The following LY6K variants were observed in gnomAD, a reference collection of about 807,000 sequenced individuals.
The protein encoded by LY6K is lymphocyte antigen 6K.
LY6K carries 9 observed loss-of-function variants against 10.4 expected under a neutral mutation model. That is an observed-to-expected ratio of 0.87 (90% CI 0.52 to 1.52). The LOEUF (loss-of-function observed/expected upper bound fraction) is 1.52. LY6K is among the 40% of genes most tolerant of loss of function. The pLI is 0.00. For missense variants in LY6K, 217 were observed against 211.7 expected (o/e 1.02, Z -0.15); for synonymous variants, 98 against 83.7 (o/e 1.17, Z -0.94).
rs1815122777 is a variant in LY6K, at chr8:142,703,367, CTT to C, written c.495_496del (p.Ter166SerfsTer8). 1.2e-6 allele frequency: 2 copies of C among 1,608,760 alleles called. No homozygotes were observed. Among genetic ancestry groups the C allele is most frequent in the Admixed American group, 1.7e-5 (1 of 59,978 alleles). ...TCCATTGCAGCCGGCCTCAGCCTGT[CTT>C]GAGCCACGGGACTGCCACAGACTGA... On this transcript the variant is annotated frameshift_variant and stop_lost, in exon 3 of 3. Transcript: ENST00000292430. LOFTEE classifies it high-confidence loss of function.
intron 2 of LY6K, chr8:142,702,187 G>C: frequency 9.2e-6 from 4 of 432,872 alleles, no homozygotes; most frequent in Non-Finnish European, 1.7e-5. Context: ...GTGTAAGGCA[G>C]TGCCTGCTAC....
rs1814967576 is a variant in LY6K, at chr8:142,700,573, T to TGG, written c.47_48dup (p.Thr17GlyfsTer6). The TGG allele has an allele frequency of 1.3e-6, 2 of 1,585,644 alleles. No individual in the cohort carries two copies. Among genetic ancestry groups the TGG allele is most frequent in the African/African-American group, 1.4e-5 (1 of 72,070 alleles). On this transcript the variant is annotated frameshift_variant, in exon 1 of 3. Transcript: ENST00000292430. LOFTEE classifies it high-confidence loss of function. ...GCTGGTCGTGGCCCTACCGCGGGTG[T>TGG]GGACAGACGCCAACCTGACTGCGAG...
rs782398047 is a variant in LY6K at position 142,703,209 on chromosome 8, C to A, written c.336C>A (p.Tyr112Ter). ...TGGAAGAGCCCATGCCCTTCTTTTACCTCAAGTGTTGTAAAATTCGCTACT... is the reference window on the plus strand; with the variant it reads ...TGGAAGAGCCCATGCCCTTCTTTTAACTCAAGTGTTGTAAAATTCGCTACT... Reference protein sequence around the residue: ...FLLEEPMPFFYLKCCKIRYCN... With the variant: ...FLLEEPMPFF The change falls in exon 3 of 3, where the codon TAC becomes TAA. Residue 112 changes from tyrosine to a stop codon, truncating the protein, a stop_gained. Coordinates refer to ENST00000292430, the MANE Select transcript of LY6K (RefSeq NM_017527.4). LOFTEE classifies it low-confidence loss of function (END_TRUNC). The A allele has an allele frequency of 6.8e-6, 11 of 1,614,202 alleles. No homozygotes were observed. Among genetic ancestry groups the A allele is most frequent in the Non-Finnish European group, 9.3e-6 (11 of 1,180,030 alleles).
At chr8:142,702,763 G>T in intron 2 of LY6K, 1 of 1,484,458 alleles carries the variant, frequency 6.7e-7, no homozygotes, top group Non-Finnish European at 9.0e-7. Flanking sequence ...GAATGGCTGG[G>T]AGTCATGTGT....
rs1040722728 is a variant in LY6K, at chr8:142,702,659, G to C, written c.218-432G>C. On this transcript the variant is annotated intron_variant, in intron 2 of 2. Coordinates refer to ENST00000292430, the MANE Select transcript of LY6K (RefSeq NM_017527.4). The stretch of plus-strand genomic sequence containing the variant: ...ATGGCAAAATGATTTGTACAGTGAT[G>C]TATAAGATGAAGTGTGGTCATGAGA... 4.6e-6 allele frequency: 7 copies of C among 1,521,248 alleles called. No homozygotes were observed. In the African/African-American group the frequency reaches 8.2e-5, roughly 18 times the overall value. 94.2% of individuals were successfully genotyped at this position (1,521,248 alleles called of 1,614,324 possible).
In LY6K at chr8:142,703,676, G is replaced by C. The variant is rs1815131213; in HGVS notation, c.*305G>C. The C allele has an allele frequency of 2.7e-6, 1 of 377,182 alleles. No homozygotes were observed. The highest frequency in any genetic ancestry group is 4.3e-5 in the Admixed American group (1 of 23,490). 23.4% of individuals were successfully genotyped at this position (377,182 alleles called of 1,614,324 possible). The stretch of plus-strand genomic sequence containing the variant: ...TTTTCCTTGACTCCCCTCTGCCTCT[G>C]AGGGCTTCAGTATTGATGGGGAGGG... On this transcript the variant is annotated 3_prime_UTR_variant, in exon 3 of 3. Coordinates refer to ENST00000292430, the MANE Select transcript of LY6K (RefSeq NM_017527.4).
rs1814940597 is a variant in LY6K, at chr8:142,700,167, C to T, written c.-361C>T. On this transcript the variant is annotated 5_prime_UTR_variant, in exon 1 of 3. Transcript: ENST00000292430. ...CGGAGAAGATCCCCTACCTGGCCGCCGGCCACTTTCTGTGGGCCGTGGGGT... is the reference window on the plus strand; with the variant it reads ...CGGAGAAGATCCCCTACCTGGCCGCTGGCCACTTTCTGTGGGCCGTGGGGT... 2 of 277,402 alleles carry T rather than the reference C, an allele frequency of 7.2e-6. No individual in the cohort carries two copies. The highest frequency in any genetic ancestry group is 2.1e-4 in the South Asian group (2 of 9,720). The allele number at this position is 277,402 out of a possible 1,614,324, so 17.2% of individuals were successfully genotyped here.
At chr8:142,700,717 C>T in intron 1 of LY6K, 87 bp downstream of exon 1, 1 of 1,293,290 alleles carries the variant, frequency 7.7e-7, no homozygotes, top group Non-Finnish European at 1.0e-6. Context: ...ACCGCCCCGA[C>T]CAGGCCGTGA....
Position 142,703,497 on chromosome 8 carries a change from G to T in LY6K, c.*126G>T. Reference sequence around the variant, plus strand: ...TTTGACTTCCCAGGGTCTTGGGATGGGAGAGTGGGGATCAGGTGCAGTTGG... The same window carrying T: ...TTTGACTTCCCAGGGTCTTGGGATGTGAGAGTGGGGATCAGGTGCAGTTGG... On this transcript the variant is annotated 3_prime_UTR_variant, in exon 3 of 3. Coordinates refer to ENST00000292430, the MANE Select transcript of LY6K (RefSeq NM_017527.4). The T allele has an allele frequency of 8.7e-7, 1 of 1,153,002 alleles. No individual in the cohort carries two copies. The highest frequency in any genetic ancestry group is 1.2e-6 in the Non-Finnish European group (1 of 837,022). The allele number at this position is 1,153,002 out of a possible 1,614,324, so 71.4% of individuals were successfully genotyped here.
At chr8:142,701,271 C>T (rs1431866077) in intron 1 of LY6K, among the ~76,000 whole-genome samples, 2 of 152,196 alleles carry the variant, frequency 1.3e-5, no homozygotes, top group African/African-American at 2.4e-5. Context: ...TAAAGAAGTC[C>T]GGGGGCTGGG....
Position 142,703,098 on chromosome 8 carries a change from T to C in LY6K, c.225T>C (p.Phe75=). ...GTCTTTATTTCCTATTAGAAATATT[T>C]CCACGTTTTTTCATGGTTGCGAAGC... ...PYCVIAAVKI[F]PRFFMVAKQC... The change falls in exon 3 of 3, where the codon TTT becomes TTC. Residue 75 remains phenylalanine (F), a synonymous_variant. Transcript: ENST00000292430. 1 of 1,613,670 alleles carries C rather than the reference T, an allele frequency of 6.2e-7. No homozygotes were observed. Among genetic ancestry groups the C allele is most frequent in the Non-Finnish European group, 8.5e-7 (1 of 1,179,686 alleles).
intron 2 of LY6K, 141 bp from the exon 3 acceptor site, chr8:142,702,950 C>T (rs782543910): frequency 1.0e-5 from 16 of 1,551,650 alleles, no homozygotes; most frequent in South Asian, 6.0e-5. Context: ...CTCGTCCTCC[C>T]GACTCCCCCT....
At chr8:142,701,149 C>T (rs990737127) in intron 1 of LY6K, among the ~76,000 whole-genome samples, 3 of 151,900 alleles carry the variant, frequency 2.0e-5, no homozygotes. Flanking sequence ...GCGTGGCCGA[C>T]CTGGGGTCAG....
intron 2 of LY6K, chr8:142,702,295 G>A (rs587601826): frequency 5.3e-5 from 30 of 561,594 alleles, no homozygotes; most frequent in African/African-American, 3.2e-4. Flanking sequence ...TGTTAAATGC[G>A]CCACAGAGAA....
intron 2 of LY6K, chr8:142,702,491 T>C: frequency 6.5e-7 from 1 of 1,535,590 alleles, no homozygotes; most frequent in Non-Finnish European, 8.7e-7. Context: ...CAGCACATTC[T>C]GCCCACAGGG....
chr8:142,702,660 T>C lies in LY6K; in HGVS notation c.218-431T>C, dbSNP rs1469043596. 4 of 1,520,906 alleles carry C rather than the reference T, an allele frequency of 2.6e-6. No individual in the cohort carries two copies. In the African/African-American group the frequency reaches 5.5e-5, roughly 21 times the overall value. 94.2% of individuals were successfully genotyped at this position (1,520,906 alleles called of 1,614,324 possible). ...TGGCAAAATGATTTGTACAGTGATG[T>C]ATAAGATGAAGTGTGGTCATGAGAC... is the stretch of plus-strand genomic sequence containing the variant. On this transcript the variant is annotated intron_variant, in intron 2 of 2. Transcript: ENST00000292430.
rs1554640659 is a variant in LY6K, at chr8:142,704,519, C to T, written c.*1148C>T. ...GAGAAGGGCTCTCTGGTGAAGCTTT[C>T]CGGGGTGACGATTTCCTGGGTGTTT... On this transcript the variant is annotated 3_prime_UTR_variant, in exon 3 of 3. Coordinates refer to ENST00000292430, the MANE Select transcript of LY6K (RefSeq NM_017527.4). 2 of 152,204 alleles carry T rather than the reference C, an allele frequency of 1.3e-5. No homozygotes were observed. The highest frequency in any genetic ancestry group is 2.9e-5 in the Non-Finnish European group (2 of 68,038). 9.4% of individuals were successfully genotyped at this position (152,204 alleles called of 1,614,324 possible). A position where few individuals can be genotyped will look rare whatever the true frequency, so the allele number is the denominator to read the frequency against.
Position 142,701,613 on chromosome 8 carries a change from T to C in LY6K, c.117T>C (p.Asn39=), listed in dbSNP as rs782333286. ...TCCTCCTTTCAGACGAGGGTGACAA[T>C]AGAGTGTGGTGTCATGTTTGTGAGA... ...EDSQRTDEGD[N]RVWCHVCERE... is the part of the protein sequence containing the mutation. Residue 39 remains asparagine, a synonymous_variant, in exon 2 of 3, where the codon AAT becomes AAC. Transcript: ENST00000292430. 5 of 1,610,242 alleles carry C rather than the reference T, an allele frequency of 3.1e-6. No homozygotes were observed. In the Admixed American group the frequency reaches 5.0e-5, roughly 16 times the overall value.
chr8:142,703,260 C>T lies in LY6K; in HGVS notation c.387C>T (p.Asn129=), dbSNP rs1554640478. Residue 129 remains asparagine (N), a synonymous_variant, in exon 3 of 3, where the codon AAC becomes AAT. Coordinates refer to ENST00000292430, the MANE Select transcript of LY6K (RefSeq NM_017527.4). ...GCAATTTAGAGGGGCCACCTATCAA[C>T]TCATCAGTGTTCAAAGAATATGCTG... The part of the protein sequence containing the change: ...RYCNLEGPPI[N]SSVFKEYAGS... The T allele has an allele frequency of 1.9e-6, 3 of 1,614,194 alleles. No individual in the cohort carries two copies. The highest frequency in any genetic ancestry group is 2.5e-6 in the Non-Finnish European group (3 of 1,180,048).
Sources: allele counts gnomAD v4.1 joint callset (sites outside exome capture counted in the v4.1 genomes callset), GRCh38; gene constraint gnomAD v4.1.1; transcripts MANE v1.5; gene names NCBI Gene and HGNC (gene_info 2026-07-23, HGNC 2026-07-21).